The following LRMDA variants were observed in gnomAD, a reference collection of about 807,000 sequenced individuals.
LRMDA encodes leucine rich melanocyte differentiation associated.
LRMDA carries 18 observed loss-of-function variants against 29.8 expected under a neutral mutation model. The observed-to-expected ratio is 0.60, with a 90% CI of 0.42 to 0.90. The LOEUF (loss-of-function observed/expected upper bound fraction) is 0.90, where lower values mean the gene tolerates loss of function less well. LRMDA is among the 40% of genes least tolerant of loss of function. LRMDA has a pLI of 0.00. For synonymous variants in LRMDA, 125 were observed against 109.4 expected, an observed-to-expected ratio of 1.14 and a Z score of -0.89; for missense variants, 273 against 273.9, an observed-to-expected ratio of 1.00 and a Z score of 0.02.
intron 2 of LRMDA, among the ~76,000 whole-genome samples, chr10:75,769,459 T>A (rs1191725864): frequency 1.3e-5 from 2 of 152,256 alleles, no homozygotes; most frequent in Non-Finnish European, 2.9e-5. Flanking sequence ...AATAATTTTT[T>A]TGCAAACTGC....
chr10:76,118,213 A>C (rs1849699997), intron 5 of LRMDA, among the ~76,000 whole-genome samples: 1 of 152,180 alleles, frequency 6.6e-6, no homozygotes, highest in Non-Finnish European at 1.5e-5. Context: ...CATTCATGTA[A>C]ATTAGACCAG....
At chr10:75,881,128 C>T (rs1845286848) in intron 2 of LRMDA, among the ~76,000 whole-genome samples, 2 of 152,066 alleles carry the variant, frequency 1.3e-5, no homozygotes, top group Admixed American at 1.3e-4. Flanking sequence ...TAATTTTTCC[C>T]ATAGTCATGG....
chr10:75,978,711 A>T (rs1176551091), intron 2 of LRMDA, among the ~76,000 whole-genome samples: 1 of 152,220 alleles, frequency 6.6e-6, no homozygotes, highest in Non-Finnish European at 1.5e-5. Flanking sequence ...TTTGTTTCCT[A>T]GATGATTTTA....
chr10:75,874,039 C>A (rs1483644566), intron 2 of LRMDA, among the ~76,000 whole-genome samples: 2 of 152,152 alleles, frequency 1.3e-5, no homozygotes, highest in Non-Finnish European at 2.9e-5. Flanking sequence ...CTTACCTGAG[C>A]CCTTCTTCTT....
At chr10:76,263,337 C>T (rs562287406) in intron 5 of LRMDA, among the ~76,000 whole-genome samples, 1 of 152,000 alleles carries the variant, frequency 6.6e-6, no homozygotes, top group East Asian at 1.9e-4. Context: ...TTTGCAAAAA[C>T]TTTTTATCAG....
chr10:76,423,836 G>GAC (rs1283132113), intron 6 of LRMDA, among the ~76,000 whole-genome samples: 1 of 152,128 alleles, frequency 6.6e-6, no homozygotes, highest in Non-Finnish European at 1.5e-5. Flanking sequence ...GAAAACCAAT[G>GAC]ACTAGGAATC....
At chr10:76,006,562 A>T (rs1428440768) in intron 2 of LRMDA, among the ~76,000 whole-genome samples, 1 of 152,170 alleles carries the variant, frequency 6.6e-6, no homozygotes, top group Non-Finnish European at 1.5e-5. Context: ...CAGACACATA[A>T]ATATTTAATA....
At chr10:75,695,485 C>T (rs1238936754) in intron 2 of LRMDA, among the ~76,000 whole-genome samples, 1 of 151,886 alleles carries the variant, frequency 6.6e-6, no homozygotes, top group East Asian at 1.9e-4. Flanking sequence ...TATCTTTAAG[C>T]TTGTATCCCT....
At chr10:76,321,190 G>A (rs533712085) in intron 5 of LRMDA, among the ~76,000 whole-genome samples, 6 of 152,192 alleles carry the variant, frequency 3.9e-5, no homozygotes, top group South Asian at 2.1e-4. Context: ...GAGATTTTCC[G>A]TAGAGTATAT....
intron 6 of LRMDA, among the ~76,000 whole-genome samples, chr10:76,453,920 A>G (rs1842431673): frequency 6.6e-6 from 1 of 152,226 alleles, no homozygotes; most frequent in Non-Finnish European, 1.5e-5. Flanking sequence ...TGTATGAGAC[A>G]TTACATTTAA....
At chr10:76,260,726 C>T (rs1839928049) in intron 5 of LRMDA, 1 of 152,148 alleles carries the variant, frequency 6.6e-6, no homozygotes, top group Non-Finnish European at 1.5e-5. Context: ...GGATGTCTAT[C>T]TTTCTTCCAA....
At chr10:76,066,918 G>A (rs1158670727) in intron 5 of LRMDA, among the ~76,000 whole-genome samples, 1 of 152,200 alleles carries the variant, frequency 6.6e-6, no homozygotes, top group Non-Finnish European at 1.5e-5. Flanking sequence ...TGCAGAGCAG[G>A]TGCTTTGGTG....
intron 5 of LRMDA, among the ~76,000 whole-genome samples, chr10:76,244,682 A>G (rs1308068873): frequency 6.6e-6 from 1 of 152,058 alleles, no homozygotes; most frequent in Non-Finnish European, 1.5e-5. Flanking sequence ...GGGAGTGCGT[A>G]TAATACTCTG....
At chr10:76,221,944 G>A (rs1439400375) in intron 5 of LRMDA, among the ~76,000 whole-genome samples, 5 of 151,892 alleles carry the variant, frequency 3.3e-5, no homozygotes, top group African/African-American at 1.2e-4. Flanking sequence ...GAACAGAACA[G>A]AGCCCTCAGA....
chr10:76,351,128 C>T (rs1000230693), intron 6 of LRMDA, among the ~76,000 whole-genome samples: 1 of 151,930 alleles, frequency 6.6e-6, no homozygotes, highest in Admixed American at 6.6e-5. Context: ...GGCACCAGCA[C>T]TTATTGATGC....
intron 2 of LRMDA, among the ~76,000 whole-genome samples, chr10:75,527,624 G>T (rs540559007): frequency 6.7e-6 from 1 of 148,880 alleles, no homozygotes; most frequent in Admixed American, 6.7e-5. Flanking sequence ...AAGAATGGAG[G>T]CACCAGTAAC....
chr10:76,055,639 A>C (rs1479410719), intron 4 of LRMDA, among the ~76,000 whole-genome samples: 1 of 152,246 alleles, frequency 6.6e-6, no homozygotes, highest in Non-Finnish European at 1.5e-5. Flanking sequence ...TAAGGGGTAC[A>C]TGAGCAAGCA....
intron 6 of LRMDA, among the ~76,000 whole-genome samples, chr10:76,415,600 G>T (rs1183366257): frequency 7.5e-6 from 1 of 133,476 alleles, no homozygotes; most frequent in South Asian, 2.6e-4. Flanking sequence ...GCTGGGGCGT[G>T]TATGTGTGTG....
intron 2 of LRMDA, among the ~76,000 whole-genome samples, chr10:75,770,460 A>G (rs555792877): frequency 3.3e-5 from 5 of 152,346 alleles, no homozygotes; most frequent in African/African-American, 1.2e-4. Context: ...AAAAAGTTGT[A>G]TATGCACACA....
Sources: gnomAD v4.1 joint callset for allele counts (sites outside exome capture counted in the v4.1 genomes callset) on GRCh38, gnomAD v4.1.1 for gene constraint, MANE v1.5 for transcripts, NCBI Gene and HGNC (gene_info 2026-07-23, HGNC 2026-07-21) for gene names.